Variants in VWA8 observed in about 807,000 individuals in gnomAD.
The protein encoded by VWA8 is von Willebrand factor A domain containing 8.
A neutral mutation model predicts 241.5 loss-of-function variants in VWA8; 221 were observed. The observed-to-expected ratio is 0.91, with a 90% CI of 0.82 to 1.02. The LOEUF (loss-of-function observed/expected upper bound fraction) is 1.02. VWA8 is among the 50% of genes least tolerant of loss of function. VWA8 has a pLI of 0.00. For missense variants in VWA8, 2,322 were observed against 2,328.7 expected (o/e 1.00, Z 0.06); for synonymous variants, 852 against 827.1 (o/e 1.03, Z -0.52).
chr13:41,692,727 T>C lies in VWA8; in HGVS notation c.3675+135A>G, dbSNP rs1199247749. Reference sequence around the variant, plus strand: ...GTTATATATATCATGTTAAAATCTATACGTGCATAACAGGAAATTCTCTTG... The same window carrying C: ...GTTATATATATCATGTTAAAATCTACACGTGCATAACAGGAAATTCTCTTG... On this transcript the variant is annotated intron_variant, in intron 30 of 44. Transcript: ENST00000379310. 1.7e-5 allele frequency: 10 copies of C among 592,650 alleles called. No homozygotes were observed. In the South Asian group the frequency reaches 2.0e-4, roughly 12 times the overall value. The allele number at this position is 592,650 out of a possible 1,614,324, so 36.7% of individuals were successfully genotyped here.
At chr13:41,591,491 C>A (rs558578255) in intron 40 of VWA8, among the ~76,000 whole-genome samples, 3 of 152,190 alleles carry the variant, frequency 2.0e-5, no homozygotes, top group Admixed American at 2.0e-4. Context: ...TTTATGCATG[C>A]AAACTAAAGT....
chr13:41,901,365 G>A (rs921931527), intron 4 of VWA8, among the ~76,000 whole-genome samples: 2 of 152,040 alleles, frequency 1.3e-5, no homozygotes, highest in Non-Finnish European at 2.9e-5. Flanking sequence ...TTTTACCTCT[G>A]CTATTTATCA....
chr13:41,683,723 G>A (rs1197516900), intron 35 of VWA8, among the ~76,000 whole-genome samples: 2 of 152,184 alleles, frequency 1.3e-5, no homozygotes, highest in Non-Finnish European at 2.9e-5. Context: ...TTCAGTGTAC[G>A]ATGGTGGTGC....
intron 14 of VWA8, among the ~76,000 whole-genome samples, chr13:41,822,761 C>T (rs952106030): frequency 2.0e-5 from 3 of 152,174 alleles, no homozygotes; most frequent in Non-Finnish European, 2.9e-5. Context: ...CTTTCTGATG[C>T]TTCTCACCAG....
chr13:41,873,294 T>C (rs1203307668), intron 9 of VWA8, among the ~76,000 whole-genome samples: 1 of 151,816 alleles, frequency 6.6e-6, no homozygotes, highest in Non-Finnish European at 1.5e-5. Context: ...AGAGCAAATA[T>C]ATTCAAAAGC....
intron 2 of VWA8, among the ~76,000 whole-genome samples, chr13:41,922,954 C>G (rs1425232691): frequency 6.6e-6 from 1 of 152,142 alleles, no homozygotes; most frequent in Non-Finnish European, 1.5e-5. Context: ...CAAAGGATTA[C>G]AAATCATGCT....
chr13:41,877,156 C>T (rs1873936960), intron 9 of VWA8, among the ~76,000 whole-genome samples: 1 of 152,006 alleles, frequency 6.6e-6, no homozygotes, highest in Non-Finnish European at 1.5e-5. Context: ...AAATGTGATC[C>T]TTCTCCCACT....
Position 41,961,063 on chromosome 13 carries a change from C to G in VWA8, c.-48G>C. 2 of 1,351,398 alleles carry G rather than the reference C, an allele frequency of 1.5e-6. No individual in the cohort carries two copies. The allele number at this position is 1,351,398 out of a possible 1,614,324, so 83.7% of individuals were successfully genotyped here. On this transcript the variant is annotated 5_prime_UTR_variant, in exon 1 of 45. Coordinates refer to ENST00000379310, the MANE Select transcript of VWA8 (RefSeq NM_015058.2). Reference sequence around the variant, plus strand: ...ACGGCGAGGGGGCTCGGGGATCGAGCGGCGTCCCGTGCAGGCACCGTGAGG... The same window carrying G: ...ACGGCGAGGGGGCTCGGGGATCGAGGGGCGTCCCGTGCAGGCACCGTGAGG...
chr13:41,846,047 TC>T (rs1274031277), intron 12 of VWA8, among the ~76,000 whole-genome samples: 1 of 149,664 alleles, frequency 6.7e-6, no homozygotes, highest in East Asian at 2.0e-4. Context: ...GCTTTTTAGT[TC>T]TTTTTTTTTT....
Position 41,667,851 on chromosome 13 carries a change from T to C in VWA8, c.4611+3095A>G, listed in dbSNP as rs1222487716. Among the ~76,000 whole-genome samples, 3 of 152,258 alleles carry C rather than the reference T, an allele frequency of 2.0e-5. No homozygotes were observed. In the East Asian group the frequency reaches 5.8e-4, roughly 29 times the overall value. Reference sequence around the variant, plus strand: ...TAATGGTCTCTTAAAACTACATTTATATTAATCCTTTCAGTTTGTTGTTAT... The same window carrying C: ...TAATGGTCTCTTAAAACTACATTTACATTAATCCTTTCAGTTTGTTGTTAT... On this transcript the variant is annotated intron_variant, in intron 37 of 44. Coordinates refer to ENST00000379310, the MANE Select transcript of VWA8 (RefSeq NM_015058.2).
At chr13:41,882,416 G>C (rs1288259667) in intron 9 of VWA8, among the ~76,000 whole-genome samples, 1 of 152,204 alleles carries the variant, frequency 6.6e-6, no homozygotes, top group African/African-American at 2.4e-5. Flanking sequence ...GCCAGGCAGA[G>C]GCTGCAATCT....
At chr13:41,715,136 C>G in intron 26 of VWA8, among the ~76,000 whole-genome samples, 1 of 151,732 alleles carries the variant, frequency 6.6e-6, no homozygotes, top group Non-Finnish European at 1.5e-5. Context: ...GCCATAGGTC[C>G]GTTGGGAGAA....
In VWA8 at chr13:41,941,683, T is replaced by A. The variant is rs1269262453; in HGVS notation, c.241+8253A>T. Among the ~76,000 whole-genome samples the A allele has an allele frequency of 4.6e-5, 7 of 152,170 alleles. No homozygotes were observed. In the South Asian group the frequency reaches 8.3e-4, roughly 18 times the overall value. ...ACTCAACAGTGTCACAGGCACAGAATAATGGAAAACGAAAAGGAACAAGAA... is the reference window on the plus strand; with the variant it reads ...ACTCAACAGTGTCACAGGCACAGAAAAATGGAAAACGAAAAGGAACAAGAA... On this transcript the variant is annotated intron_variant, in intron 2 of 44. Transcript: ENST00000379310.
chr13:41,778,677 C>T (rs1262060298), intron 19 of VWA8, among the ~76,000 whole-genome samples: 1 of 152,002 alleles, frequency 6.6e-6, no homozygotes, highest in Non-Finnish European at 1.5e-5. Flanking sequence ...GAGATCTACA[C>T]TCCAGCACAA....
At chr13:41,702,228 A>C (rs2045254883) in intron 27 of VWA8, among the ~76,000 whole-genome samples, 1 of 152,172 alleles carries the variant, frequency 6.6e-6, no homozygotes, top group Non-Finnish European at 1.5e-5. Flanking sequence ...ACAGTCCTTA[A>C]TTAATCAAAA....
At chr13:41,941,325 T>C (rs549428295) in intron 2 of VWA8, among the ~76,000 whole-genome samples, 7 of 152,314 alleles carry the variant, frequency 4.6e-5, no homozygotes, top group African/African-American at 1.7e-4. Flanking sequence ...ACCCCAGATA[T>C]AATACGGCAC....
chr13:41,888,127 C>G (rs1215310150), intron 5 of VWA8, among the ~76,000 whole-genome samples: 1 of 152,176 alleles, frequency 6.6e-6, no homozygotes, highest in Non-Finnish European at 1.5e-5. Context: ...ATTATTGTGA[C>G]TGCTAGGAAA....
At chr13:41,664,423 G>A (rs903882997) in intron 37 of VWA8, among the ~76,000 whole-genome samples, 2 of 151,368 alleles carry the variant, frequency 1.3e-5, no homozygotes. Flanking sequence ...GTGTGTGTGT[G>A]TGTGTGTTCC....
chr13:41,897,555 A>T (rs1397485484), intron 4 of VWA8, among the ~76,000 whole-genome samples: 1 of 152,176 alleles, frequency 6.6e-6, no homozygotes, highest in Non-Finnish European at 1.5e-5. Context: ...GACTGAATAG[A>T]TGTATTAAAG....
Sources: allele counts gnomAD v4.1 joint callset (sites outside exome capture counted in the v4.1 genomes callset), GRCh38; gene constraint gnomAD v4.1.1; transcripts MANE v1.5; gene names NCBI Gene and HGNC (gene_info 2026-07-23, HGNC 2026-07-21).